Variants in GRID2 observed in about 807,000 individuals in gnomAD.
GRID2 encodes the protein glutamate ionotropic receptor delta type subunit 2.
In GRID2, 33 loss-of-function variants were observed where a neutral mutation model predicts 114.8. That is an observed-to-expected ratio of 0.29 (90% CI 0.22 to 0.38). The LOEUF is 0.38. GRID2 is among the 10% of genes least tolerant of loss of function. GRID2 has a pLI of 1.00. For missense variants in GRID2, 1,184 were observed against 1,257.7 expected, an observed-to-expected ratio of 0.94 and a Z score of 0.89; for synonymous variants, 505 against 449.9, an observed-to-expected ratio of 1.12 and a Z score of -1.55.
intron 1 of GRID2, among the ~76,000 whole-genome samples, chr4:92,449,184 A>G (rs991296707): frequency 6.6e-6 from 1 of 152,078 alleles, no homozygotes; most frequent in Non-Finnish European, 1.5e-5. Flanking sequence ...AGGTTTTACC[A>G]TATTTGGATT....
intron 2 of GRID2, among the ~76,000 whole-genome samples, chr4:92,704,677 C>A (rs1214200786): frequency 6.6e-6 from 1 of 151,074 alleles, no homozygotes; most frequent in African/African-American, 2.5e-5. Flanking sequence ...TGGAAGATTT[C>A]TTTTCTCCCC....
chr4:93,612,946 C>T (rs1378723884), intron 13 of GRID2, among the ~76,000 whole-genome samples: 2 of 147,336 alleles, frequency 1.4e-5, no homozygotes, highest in Admixed American at 6.8e-5. Context: ...CTTTCAGGTA[C>T]ACCAATCAGA....
intron 2 of GRID2, among the ~76,000 whole-genome samples, chr4:92,761,536 A>G (rs1008356432): frequency 3.9e-5 from 6 of 152,220 alleles, no homozygotes; most frequent in African/African-American, 9.6e-5. Flanking sequence ...AAGTGACCAA[A>G]TATTTTGTGT....
At chr4:93,263,351 A>G (rs1579469419) in intron 8 of GRID2, among the ~76,000 whole-genome samples, 2 of 152,148 alleles carry the variant, frequency 1.3e-5, no homozygotes, top group Admixed American at 6.6e-5. Context: ...GCAAGATATC[A>G]GACTCATACC....
chr4:93,263,026 G>GA (rs1750426070), intron 8 of GRID2, among the ~76,000 whole-genome samples: 1 of 151,488 alleles, frequency 6.6e-6, no homozygotes, highest in Admixed American at 6.6e-5. Context: ...ATAACTATAG[G>GA]AAAAAAATAG....
chr4:93,651,834 G>C (rs1175887303), intron 14 of GRID2, among the ~76,000 whole-genome samples: 1 of 152,138 alleles, frequency 6.6e-6, no homozygotes, highest in African/African-American at 2.4e-5. Flanking sequence ...ATGGTAGGCT[G>C]TGGAGCTATA....
At chr4:92,839,870 T>C (rs1189935421) in intron 2 of GRID2, among the ~76,000 whole-genome samples, 4 of 152,026 alleles carry the variant, frequency 2.6e-5, no homozygotes, top group Admixed American at 2.6e-4. Context: ...TGAGGTTTCT[T>C]TGTTATTTTT....
At chr4:93,197,695 C>A (rs943786269) in intron 4 of GRID2, among the ~76,000 whole-genome samples, 2 of 152,050 alleles carry the variant, frequency 1.3e-5, no homozygotes, top group African/African-American at 4.8e-5. Context: ...CCTCACTATG[C>A]CTCCATGAAG....
At chr4:92,625,367 T>C (rs927813672) in intron 2 of GRID2, among the ~76,000 whole-genome samples, 1 of 151,772 alleles carries the variant, frequency 6.6e-6, no homozygotes, top group African/African-American at 2.4e-5. Flanking sequence ...ATTTTACACT[T>C]GAGGAAAATG....
At chr4:93,694,675 T>C (rs1726857738) in intron 14 of GRID2, among the ~76,000 whole-genome samples, 1 of 152,190 alleles carries the variant, frequency 6.6e-6, no homozygotes, top group Non-Finnish European at 1.5e-5. Context: ...AATTTTTCTT[T>C]CTCCTCATCC....
intron 2 of GRID2, among the ~76,000 whole-genome samples, chr4:93,041,332 C>T (rs767890165): frequency 1.3e-5 from 2 of 152,164 alleles, no homozygotes; most frequent in African/African-American, 2.4e-5. Context: ...TCACAATTCT[C>T]TCTTAATGAG....
At chr4:93,122,303 A>C (rs10014487) in intron 4 of GRID2, among the ~76,000 whole-genome samples, 1 of 151,870 alleles carries the variant, frequency 6.6e-6, no homozygotes, top group Admixed American at 6.6e-5. Flanking sequence ...TTTATTTTCC[A>C]TATGGTGAAC....
chr4:93,129,177 T>C (rs558099092), intron 4 of GRID2, among the ~76,000 whole-genome samples: 105 of 152,330 alleles, frequency 6.9e-4, no homozygotes, highest in Non-Finnish European at 1.4e-3. Flanking sequence ...TTTTTTATTA[T>C]AAGTAACTGA....
At chr4:92,327,666 G>A (rs1318474107) in intron 1 of GRID2, among the ~76,000 whole-genome samples, 2 of 151,752 alleles carry the variant, frequency 1.3e-5, no homozygotes, top group East Asian at 1.9e-4. Flanking sequence ...TTATTTCACA[G>A]AAATATTTCA....
At chr4:93,423,003 A>G in intron 10 of GRID2, 35 bp downstream of exon 10, 1 of 1,410,166 alleles carries the variant, frequency 7.1e-7, no homozygotes, top group Non-Finnish European at 1.0e-6. Flanking sequence ...CTCATACTTA[A>G]AGGTTCAATT....
At chr4:93,687,136 T>C (rs1463740713) in intron 14 of GRID2, among the ~76,000 whole-genome samples, 3 of 151,818 alleles carry the variant, frequency 2.0e-5, no homozygotes, top group Non-Finnish European at 1.5e-5. Flanking sequence ...AGCTGATGGA[T>C]TGGAAGTGGA....
chr4:93,149,379 A>G (rs1452100459), intron 4 of GRID2, among the ~76,000 whole-genome samples: 2 of 151,950 alleles, frequency 1.3e-5, no homozygotes, highest in Non-Finnish European at 2.9e-5. Context: ...TTCGAGACCA[A>G]CTTGGCCAAA....
chr4:92,938,534 T>C (rs1462902605), intron 2 of GRID2, among the ~76,000 whole-genome samples: 1 of 146,244 alleles, frequency 6.8e-6, no homozygotes, highest in Non-Finnish European at 1.5e-5. Flanking sequence ...CTATGTAATA[T>C]TAAGATTAGT....
In GRID2 at chr4:92,541,079, T is replaced by C. The variant is rs553256310; in HGVS notation, c.89-49052T>C. Reference sequence around the variant, plus strand: ...AACACCACATGTTCTCACTCATAGGTGGGAATTGAACAATGAGAACACATG... The same window carrying C: ...AACACCACATGTTCTCACTCATAGGCGGGAATTGAACAATGAGAACACATG... On this transcript the variant is annotated intron_variant, in intron 1 of 15. Coordinates refer to ENST00000282020, the MANE Select transcript of GRID2 (RefSeq NM_001510.4). Among the ~76,000 whole-genome samples the C allele has an allele frequency of 6.6e-5, 10 of 151,302 alleles. No individual in the cohort carries two copies. The South Asian group carries it at 1.7e-3, about 25-fold the overall frequency.
Sources: gnomAD v4.1 joint callset for allele counts (sites outside exome capture counted in the v4.1 genomes callset) on GRCh38, gnomAD v4.1.1 for gene constraint, MANE v1.5 for transcripts, NCBI Gene and HGNC (gene_info 2026-07-23, HGNC 2026-07-21) for gene names.